AIM2: variants seen among roughly 807,000 people sequenced by gnomAD.
AIM2 encodes absent in melanoma 2.
Under a neutral mutation model 27.7 loss-of-function variants are expected in AIM2, and 30 were observed. That is an observed-to-expected ratio of 1.08 (90% CI 0.81 to 1.47). The LOEUF (loss-of-function observed/expected upper bound fraction) is 1.47, where lower values mean the gene tolerates loss of function less well. Among genes scored for constraint, AIM2 ranks in the 40% most tolerant of loss-of-function variants. The pLI, the probability that AIM2 is intolerant of heterozygous loss-of-function variation, is 0.00. For synonymous variants in AIM2, 141 were observed against 145.3 expected (o/e 0.97, Z 0.21); for missense variants, 358 against 411.3 (o/e 0.87, Z 1.12).
At chr1:159,142,177 T>TAA (rs1397927503), upstream of AIM2, among the ~76,000 whole-genome samples, 3 of 152,112 alleles carry the variant, frequency 2.0e-5, no homozygotes, top group Non-Finnish European at 4.4e-5. Flanking sequence ...GCTGCTTCCG[T>TAA]AAAGGAACAC....
chr1:159,090,083 G>A (rs1239961532), intron 1 of AIM2, among the ~76,000 whole-genome samples: 2 of 152,164 alleles, frequency 1.3e-5, no homozygotes, highest in East Asian at 3.9e-4. Context: ...CCTCACTTAG[G>A]CATAACTAGA....
At chr1:159,140,398 G>C (rs1462300309) in intron 1 of AIM2, 1 of 151,550 alleles carries the variant, frequency 6.6e-6, no homozygotes, top group East Asian at 1.9e-4. Context: ...CTCCCTCCAG[G>C]GTCCTCCTAT....
chr1:159,070,605 C>G (rs1480954380), intron 2 of AIM2, among the ~76,000 whole-genome samples: 1 of 152,154 alleles, frequency 6.6e-6, no homozygotes, highest in Non-Finnish European at 1.5e-5. Context: ...ACTGAAATAG[C>G]AAGGCAATCA....
chr1:159,095,075 C>T (rs1450372985), intron 1 of AIM2, among the ~76,000 whole-genome samples: 1 of 152,028 alleles, frequency 6.6e-6, no homozygotes, highest in African/African-American at 2.4e-5. Context: ...ACTCATAATC[C>T]CATCATCCAG....
chr1:159,063,338 A>C, intron 5 of AIM2, 148 bp downstream of exon 5: 1 of 664,268 alleles, frequency 1.5e-6, no homozygotes, highest in Non-Finnish European at 2.4e-6. Context: ...CCTAAGAGGG[A>C]GGTTCCTCAG....
chr1:159,073,428 C>A lies in AIM2; in HGVS notation c.72G>T (p.Arg24Ser), dbSNP rs772343677. ...LDNITDEELD[R>S]FKFFLSDEFN... ...ACTCGTCTGAAAGAAAGAACTTAAA[C>A]CTATCCAGTTCCTCATCAGTGATGT... The change falls in exon 2 of 6, where the codon AGG (arginine) becomes AGT (serine). Residue 24 changes from arginine (R) to serine (S), a missense_variant. Physicochemically the swap from Arg to Ser is moderately radical, Grantham distance 110. Transcript: ENST00000368130. 4.3e-6 allele frequency: 7 copies of A among 1,613,972 alleles called. No homozygotes were observed. In the African/African-American group the frequency reaches 9.3e-5, roughly 22 times the overall value.
chr1:159,129,350 G>A (rs1317197885), intron 1 of AIM2, among the ~76,000 whole-genome samples: 4 of 152,148 alleles, frequency 2.6e-5, no homozygotes, highest in African/African-American at 9.7e-5. Context: ...AATTTGTTAT[G>A]GCATCTCTAG....
chr1:159,108,729 G>A (rs1657505644), intron 1 of AIM2, among the ~76,000 whole-genome samples: 1 of 152,172 alleles, frequency 6.6e-6, no homozygotes, highest in Non-Finnish European at 1.5e-5. Context: ...CAAATCAGTA[G>A]CTTTTCTATA....
At chr1:159,139,792 C>T (rs1371355444) in intron 1 of AIM2, among the ~76,000 whole-genome samples, 1 of 152,168 alleles carries the variant, frequency 6.6e-6, no homozygotes, top group Non-Finnish European at 1.5e-5. Flanking sequence ...CCACCTCATC[C>T]CCAGCCCTCA....
chr1:159,127,669 G>A (rs893644522), intron 1 of AIM2, among the ~76,000 whole-genome samples: 2 of 152,144 alleles, frequency 1.3e-5, no homozygotes, highest in Non-Finnish European at 2.9e-5. Context: ...TTATGAAAGA[G>A]GGACAAGGAA....
At chr1:159,093,227 T>C (rs975949697) in intron 1 of AIM2, among the ~76,000 whole-genome samples, 5 of 152,128 alleles carry the variant, frequency 3.3e-5, no homozygotes, top group African/African-American at 1.2e-4. Context: ...AATGACAGCA[T>C]ATATATAATT....
At chr1:159,096,087 C>T (rs1018639783) in intron 1 of AIM2, among the ~76,000 whole-genome samples, 1 of 152,162 alleles carries the variant, frequency 6.6e-6, no homozygotes, top group African/African-American at 2.4e-5. Context: ...GACTCCACTA[C>T]CAGAGACAAG....
At chr1:159,124,746 T>A (rs559182406) in intron 1 of AIM2, among the ~76,000 whole-genome samples, 1 of 152,080 alleles carries the variant, frequency 6.6e-6, no homozygotes, top group African/African-American at 2.4e-5. Flanking sequence ...GTTTCAGAGG[T>A]CCATTGAAGA....
chr1:159,103,094 G>A (rs1027310250), intron 1 of AIM2, among the ~76,000 whole-genome samples: 1 of 152,160 alleles, frequency 6.6e-6, no homozygotes. Flanking sequence ...GAGGTAATTG[G>A]ATCATGGGAG....
chr1:159,116,012 A>C (rs1485579488), intron 1 of AIM2, among the ~76,000 whole-genome samples: 5 of 152,230 alleles, frequency 3.3e-5, no homozygotes, highest in Non-Finnish European at 7.3e-5. Flanking sequence ...CCCATCAATA[A>C]GTGGACAAAG....
intron 1 of AIM2, among the ~76,000 whole-genome samples, chr1:159,118,148 T>C (rs2518566): frequency 0.98 from 149,562 of 152,328 alleles, 73,472 homozygotes; most frequent in Middle Eastern, 1. Flanking sequence ...GAACAACAAA[T>C]ACATTAGTAG....
intron 1 of AIM2, among the ~76,000 whole-genome samples, chr1:159,111,670 G>A (rs538308190): frequency 6.6e-6 from 1 of 151,728 alleles, no homozygotes; most frequent in African/African-American, 2.4e-5. Flanking sequence ...ATAGAAAAAA[G>A]CAGTATAATA....
chr1:159,146,684 G>A (rs1177404371), intron 1 of AIM2, among the ~76,000 whole-genome samples: 2 of 152,050 alleles, frequency 1.3e-5, no homozygotes, highest in Non-Finnish European at 2.9e-5. Flanking sequence ...CAAACTCATT[G>A]TTCCCAGTCT....
At chr1:159,108,478 G>A (rs1019084208) in intron 1 of AIM2, among the ~76,000 whole-genome samples, 2 of 152,024 alleles carry the variant, frequency 1.3e-5, no homozygotes, top group African/African-American at 4.8e-5. Context: ...TCTGAGAACT[G>A]GAACAAGAAA....
Sources: allele counts gnomAD v4.1 joint callset (sites outside exome capture counted in the v4.1 genomes callset), GRCh38; gene constraint gnomAD v4.1.1; transcripts MANE v1.5; gene names NCBI Gene and HGNC (gene_info 2026-07-23, HGNC 2026-07-21).